LDLRAD4: variants seen among roughly 807,000 people sequenced by gnomAD.
LDLRAD4 encodes low-density lipoprotein receptor class A domain-containing protein 4.
In LDLRAD4, 5 loss-of-function variants were observed where a neutral mutation model predicts 17.0. The ratio of observed to expected loss-of-function variants is 0.29; its 90% CI spans 0.15 to 0.62. LDLRAD4 has a LOEUF of 0.62. LDLRAD4 is among the 20% of genes least tolerant of loss of function. The pLI, the probability that LDLRAD4 is intolerant of heterozygous loss-of-function variation, is 0.84. For synonymous variants in LDLRAD4, 168 were observed against 171.8 expected, an observed-to-expected ratio of 0.98 and a Z score of 0.17; for missense variants, 340 against 424.7, an observed-to-expected ratio of 0.80 and a Z score of 1.75.
At chr18:13,466,220 C>T (rs2146656355) in intron 3 of LDLRAD4, among the ~76,000 whole-genome samples, 1 of 152,232 alleles carries the variant, frequency 6.6e-6, no homozygotes, top group East Asian at 1.9e-4. Flanking sequence ...CCTGTAATCC[C>T]AGCACTTTGG....
chr18:13,618,854 G>A (rs2040320917), intron 3 of LDLRAD4, among the ~76,000 whole-genome samples: 1 of 152,234 alleles, frequency 6.6e-6, no homozygotes, highest in Non-Finnish European at 1.5e-5. Flanking sequence ...TCGACTTCGG[G>A]GTTCAGCCCT....
intron 3 of LDLRAD4, among the ~76,000 whole-genome samples, chr18:13,510,634 A>T (rs28553871): frequency 0.38 from 57,242 of 152,072 alleles, 11,835 homozygotes; most frequent in Middle Eastern, 0.56. Flanking sequence ...AACCCACCCA[A>T]GTGATTAAAA....
Position 13,621,010 on chromosome 18 carries a change from T to G in LDLRAD4, c.182-107T>G. ...CCTGCTGGCCTCTGAGGAACAGACG[T>G]GTGTGAGAGGCCTTCAGGGCCTGAT... On this transcript the variant is annotated intron_variant, in intron 3 of 5. Coordinates refer to ENST00000359446, the Ensembl canonical transcript of LDLRAD4. This position sits in a 1 kb window ranked among gnomAD's most constrained non-coding sequence, Gnocchi z 5.5. 2.0e-5 allele frequency: 29 copies of G among 1,452,712 alleles called. No individual in the cohort carries two copies. Among genetic ancestry groups the G allele is most frequent in the South Asian group, 2.4e-5 (2 of 83,454 alleles). 90.0% of individuals were successfully genotyped at this position (1,452,712 alleles called of 1,614,324 possible).
chr18:13,452,833 T>G (rs2146409867), intron 3 of LDLRAD4, among the ~76,000 whole-genome samples: 1 of 152,182 alleles, frequency 6.6e-6, no homozygotes, highest in East Asian at 1.9e-4. Flanking sequence ...GACCCCTCCT[T>G]AGGATTAAGG....
chr18:13,519,424 G>A (rs1402742482), intron 3 of LDLRAD4, among the ~76,000 whole-genome samples: 1 of 152,112 alleles, frequency 6.6e-6, no homozygotes, highest in Non-Finnish European at 1.5e-5. Flanking sequence ...TTTCCTCAAG[G>A]GGATGCTTAC....
chr18:13,423,757 C>T lies in LDLRAD4; in HGVS notation c.41-14487C>T, dbSNP rs941524108. 10 of 152,566 alleles carry T rather than the reference C, an allele frequency of 6.6e-5. No individual in the cohort carries two copies. In the East Asian group the frequency reaches 1.9e-3, roughly 29 times the overall value. 9.5% of individuals were successfully genotyped at this position (152,566 alleles called of 1,614,324 possible). On this transcript the variant is annotated intron_variant, in intron 2 of 5. Coordinates refer to ENST00000359446, the Ensembl canonical transcript of LDLRAD4. ...CACATGTCCTTTATGTCATGGGCAACCTGTGTTCATTGAAATTTTATGATT... is the reference window on the plus strand; with the variant it reads ...CACATGTCCTTTATGTCATGGGCAATCTGTGTTCATTGAAATTTTATGATT...
intron 1 of LDLRAD4, among the ~76,000 whole-genome samples, chr18:13,235,874 G>A (rs960345256): frequency 6.6e-6 from 1 of 152,112 alleles, no homozygotes; most frequent in African/African-American, 2.4e-5. Flanking sequence ...CAGACTGGAA[G>A]GAAATACACC....
intron 3 of LDLRAD4, among the ~76,000 whole-genome samples, chr18:13,439,428 G>A (rs1004111722): frequency 4.6e-5 from 7 of 152,168 alleles, no homozygotes; most frequent in African/African-American, 1.7e-4. Context: ...GAGTCTTATA[G>A]TACAAATAGT....
At chr18:13,638,439 CTTG>C (rs1261521465) in intron 4 of LDLRAD4, among the ~76,000 whole-genome samples, 1 of 152,120 alleles carries the variant, frequency 6.6e-6, no homozygotes, top group Non-Finnish European at 1.5e-5. Context: ...TCAGATAATT[CTTG>C]TTACCTTTTT....
At chr18:13,391,519 C>T (rs1386068673) in intron 2 of LDLRAD4, among the ~76,000 whole-genome samples, 2 of 152,126 alleles carry the variant, frequency 1.3e-5, no homozygotes, top group Admixed American at 1.3e-4. Context: ...TAGGTGAATG[C>T]TTGCATACAG....
intron 1 of LDLRAD4, among the ~76,000 whole-genome samples, chr18:13,385,254 A>G (rs1436518117): frequency 1.3e-5 from 2 of 152,172 alleles, no homozygotes; most frequent in East Asian, 1.9e-4. Flanking sequence ...GCATTTTTTA[A>G]TATATCTGTC....
intron 3 of LDLRAD4, chr18:13,515,970 G>A (rs2093859674): frequency 6.6e-6 from 1 of 152,042 alleles, no homozygotes; most frequent in Non-Finnish European, 1.5e-5. Context: ...ATGCCACCAT[G>A]CTTGGCTAAT....
intron 3 of LDLRAD4, among the ~76,000 whole-genome samples, chr18:13,586,210 C>A (rs2094930581): frequency 1.3e-5 from 2 of 151,830 alleles, no homozygotes; most frequent in South Asian, 4.2e-4. Flanking sequence ...GAGTTCTAGA[C>A]CAGCCTGGCC....
At chr18:13,240,570 A>C (rs2042582469) in intron 1 of LDLRAD4, 1 of 152,574 alleles carries the variant, frequency 6.6e-6, no homozygotes, top group Non-Finnish European at 1.5e-5. Context: ...GCATGTGTGC[A>C]TGCATGTGCG....
rs578184666 is a variant in LDLRAD4, at chr18:13,300,263, G to A, written c.-383+22075G>A. On this transcript the variant is annotated intron_variant, in intron 1 of 5. Transcript: ENST00000359446. The surrounding 1 kb of genome is among the most constrained non-coding windows in gnomAD (Gnocchi z 4.2). Reference sequence around the variant, plus strand: ...GAGAGCCAGGCCCGCAGAGGGGGCCGGCAGCCTCTTCCCACTCTCCTGCCC... The same window carrying A: ...GAGAGCCAGGCCCGCAGAGGGGGCCAGCAGCCTCTTCCCACTCTCCTGCCC... 3.3e-5 allele frequency among the ~76,000 whole-genome samples: 5 copies of A among 152,282 alleles called. No individual in the cohort carries two copies. The highest frequency in any genetic ancestry group is 1.2e-4 in the African/African-American group (5 of 41,556).
chr18:13,336,165 C>G (rs901328201), intron 1 of LDLRAD4, among the ~76,000 whole-genome samples: 2 of 152,182 alleles, frequency 1.3e-5, no homozygotes, highest in African/African-American at 4.8e-5. Flanking sequence ...AACTCACTCA[C>G]TAGGGAGGGC....
rs58651635 is a variant in LDLRAD4, at chr18:13,617,720, A to G, written c.182-3397A>G. Among the ~76,000 whole-genome samples the G allele has an allele frequency of 4.8e-3, 731 of 152,334 alleles. 6 individuals are homozygous for G. The highest frequency in any genetic ancestry group is 0.016 in the African/African-American group (667 of 41,572). On this transcript the variant is annotated intron_variant, in intron 3 of 5. Transcript: ENST00000359446. ...ACCAATATGATTATGAAAAAGAGAA[A>G]CACAAATTACCATAACCATAGGGAA... is the stretch of plus-strand genomic sequence containing the variant.
chr18:13,507,426 T>C (rs947404055), intron 3 of LDLRAD4, among the ~76,000 whole-genome samples: 3 of 152,216 alleles, frequency 2.0e-5, no homozygotes, highest in African/African-American at 7.2e-5. Flanking sequence ...ATACTTAGTT[T>C]TTCATTCCTG....
At chr18:13,455,606 C>T (rs1285564865) in intron 3 of LDLRAD4, among the ~76,000 whole-genome samples, 7 of 152,132 alleles carry the variant, frequency 4.6e-5, no homozygotes, top group African/African-American at 1.4e-4. Context: ...TGAGCTGGGC[C>T]GGATCACTTG....
Sources: allele counts gnomAD v4.1 joint callset (sites outside exome capture counted in the v4.1 genomes callset), GRCh38; gene constraint gnomAD v4.1.1; non-coding constraint Gnocchi (gnomAD v3.1); transcripts MANE v1.5; gene names NCBI Gene and HGNC (gene_info 2026-07-23, HGNC 2026-07-21).